The following GINS2 variants were observed in gnomAD, a reference collection of about 807,000 sequenced individuals.
GINS2 encodes the protein GINS complex subunit 2, also known as DNA replication complex GINS protein PSF2.
Under a neutral mutation model 21.2 loss-of-function variants are expected in GINS2, and 23 were observed. The ratio of observed to expected loss-of-function variants is 1.08; its 90% confidence interval spans 0.78 to 1.53. The LOEUF (loss-of-function observed/expected upper bound fraction) is 1.53, where lower values mean the gene tolerates loss of function less well. Among genes scored for constraint, GINS2 ranks in the 40% most tolerant of loss-of-function variants. The pLI, the probability that GINS2 is intolerant of heterozygous loss-of-function variation, is 0.00. For synonymous variants in GINS2, 118 were observed against 85.6 expected, an observed-to-expected ratio of 1.38 and a Z score of -2.09; for missense variants, 323 against 233.9, an observed-to-expected ratio of 1.38 and a Z score of -2.49.
Position 85,685,678 on chromosome 16 carries a change from A to AAAAAAAAAAAAAAAAAAAAAAC in GINS2, c.205+1781_205+1782insGTTTTTTTTTTTTTTTTTTTTT, listed in dbSNP as rs1567792794. Among the ~76,000 whole-genome samples, 87 of 143,964 alleles carry AAAAAAAAAAAAAAAAAAAAAAC rather than the reference A, an allele frequency of 6.0e-4. 1 individual carries two copies. Among genetic ancestry groups the AAAAAAAAAAAAAAAAAAAAAAC allele is most frequent in the African/African-American group, 2.2e-3 (78 of 36,178 alleles). 94.4% of individuals were successfully genotyped at this position (143,964 alleles called of 152,430 possible). On this transcript the variant is annotated intron_variant, in intron 2 of 4. Transcript: ENST00000253462. ...AGAGCAAGACCCTTTCTCAAAAAAA[A>AAAAAAAAAAAAAAAAAAAAAAC]AAAAAAAAAAAAACCGTCTCAAAGC...
chr16:85,685,117 A>C (rs993090077), intron 2 of GINS2, among the ~76,000 whole-genome samples: 9 of 152,202 alleles, frequency 5.9e-5, no homozygotes, highest in African/African-American at 1.9e-4. Context: ...TCTGTGGTGC[A>C]GAAGTCAGGA....
At position 85,681,547 on chromosome 16, in the gene GINS2, T is replaced by G. The variant is rs375513883; in HGVS notation, c.305+35A>C. 1.9e-5 allele frequency: 24 copies of G among 1,231,494 alleles called. No individual in the cohort carries two copies. The African/African-American group carries it at 2.4e-4, about 12-fold the overall frequency. The allele number at this position is 1,231,494 out of a possible 1,614,324, so 76.3% of individuals were successfully genotyped here. A position where few individuals can be genotyped will look rare whatever the true frequency, so the allele number is the denominator to read the frequency against. On this transcript the variant is annotated intron_variant, in intron 3 of 4. Transcript: ENST00000253462. ...GGGGAAGGGCATGGCGAGTCCAGTC[T>G]TGGGTGTGGCCTCTAAGAGGTGAGA... is the stretch of plus-strand genomic sequence containing the variant.
rs145341383 is a variant in GINS2 at position 85,684,949 on chromosome 16, A to T, written c.205+2511T>A. Among the ~76,000 whole-genome samples, 12 of 151,972 alleles carry T rather than the reference A, an allele frequency of 7.9e-5. No individual in the cohort carries two copies. The East Asian group carries it at 2.3e-3, about 29-fold the overall frequency. Reference sequence around the variant, plus strand: ...GATTACAGGCGCCCACCAAACACCCAGCTAATTTTTGTATTTTTTAGTAGA... The same window carrying T: ...GATTACAGGCGCCCACCAAACACCCTGCTAATTTTTGTATTTTTTAGTAGA... On this transcript the variant is annotated intron_variant, in intron 2 of 4. Coordinates refer to ENST00000253462, the MANE Select transcript of GINS2 (RefSeq NM_016095.3).
rs1247881101 is a variant in GINS2 at position 85,688,886 on chromosome 16, C to T, written c.13G>A (p.Glu5Lys). MDAA[E>K]VEFLAEKELV... ...TCCTTCTCGGCGAGGAATTCGACCT[C>T]GGCAGCGTCCATGGCGGCGCGAGCT... The change falls in exon 1 of 5, where the codon GAG becomes AAG. Residue 5 changes from glutamate to lysine, a missense_variant. By Grantham distance (56) the Glu-to-Lys change is moderately conservative (BLOSUM62 1). Coordinates refer to ENST00000253462, the MANE Select transcript of GINS2 (RefSeq NM_016095.3). The T allele has an allele frequency of 1.3e-6, 2 of 1,540,226 alleles. No homozygotes were observed. The highest frequency in any genetic ancestry group is 2.4e-5 in the South Asian group (2 of 82,822).
Position 85,687,469 on chromosome 16 carries a change from T to C in GINS2, c.196A>G (p.Met66Val), listed in dbSNP as rs779871214. 7 of 1,542,862 alleles carry C rather than the reference T, an allele frequency of 4.5e-6. No homozygotes were observed. The African/African-American group carries it at 7.0e-5, about 15-fold the overall frequency. The change falls in exon 2 of 5, where the codon ATG becomes GTG. Residue 66 changes from methionine (M) to valine (V), a missense_variant. Met to Val is a conservative substitution (Grantham distance 21, BLOSUM62 1). Transcript: ENST00000253462. ...QKCRLLPPEW[M>V]DVEKLEKMRD... is the part of the protein sequence containing the mutation. ...TCCACCACATCCTTACCTACATCCA[T>C]CCACTCTGGAGGGAGCAGGCGACAT...
chr16:85,681,638 A>G lies in GINS2; in HGVS notation c.249T>C (p.Thr83=), dbSNP rs772068012. The G allele has an allele frequency of 6.2e-6, 10 of 1,612,888 alleles. No individual in the cohort carries two copies. Among genetic ancestry groups the G allele is most frequent in the Non-Finnish European group, 6.8e-6 (8 of 1,179,092 alleles). ...KMRDHERKEE[T]FTPMPSPYYM... Reference sequence around the variant, plus strand: ...AGTAAGGGCTGGGCATTGGGGTAAAAGTTTCTTCCTTTCGTTCATGATCCC... The same window carrying G: ...AGTAAGGGCTGGGCATTGGGGTAAAGGTTTCTTCCTTTCGTTCATGATCCC... The change falls in exon 3 of 5, where the codon ACT becomes ACC. Residue 83 remains threonine (T), a synonymous_variant. Transcript: ENST00000253462.
At position 85,678,292 on chromosome 16, in the gene GINS2, G is replaced by A. The variant is rs1294900375; in HGVS notation, c.478C>T (p.Leu160Phe). 1 of 1,613,212 alleles carries A rather than the reference G, an allele frequency of 6.2e-7. No homozygotes were observed. Among genetic ancestry groups the A allele is most frequent in the Admixed American group, 1.7e-5 (1 of 60,026 alleles). The change falls in exon 5 of 5, where the codon CTC becomes TTC. Residue 160 changes from leucine to phenylalanine, a missense_variant. Physicochemically the swap from Leu to Phe is conservative, Grantham distance 22. Coordinates refer to ENST00000253462, the MANE Select transcript of GINS2 (RefSeq NM_016095.3). ...LMEINTSGTF[L>F]TQALNHMYKL... ...TACATGTGGTTGAGCGCTTGTGTGA[G>A]GAAAGTCCCGCTGGTGTTGATCTCC...
At chr16:85,682,532 G>T (rs1376467834) in intron 2 of GINS2, among the ~76,000 whole-genome samples, 1 of 145,320 alleles carries the variant, frequency 6.9e-6, no homozygotes, top group Non-Finnish European at 1.5e-5. Context: ...AATATCCTAG[G>T]GGGGTTAAGC....
rs773719623 is a variant in GINS2, at chr16:85,687,482, G to A, written c.183C>T (p.Leu61=). ...TACCTACATCCATCCACTCTGGAGGGAGCAGGCGACATTTCTGTCTTTGTT... is the reference window on the plus strand; with the variant it reads ...TACCTACATCCATCCACTCTGGAGGAAGCAGGCGACATTTCTGTCTTTGTT... The part of the protein sequence containing the change: ...NLKQRQKCRL[L]PPEWMDVEKL... Residue 61 remains leucine (L), a synonymous_variant, in exon 2 of 5, where the codon CTC becomes CTT. Transcript: ENST00000253462. The A allele has an allele frequency of 2.5e-6, 4 of 1,583,574 alleles. No homozygotes were observed. The highest frequency in any genetic ancestry group is 1.9e-5 in the Admixed American group (1 of 53,948).
intron 3 of GINS2, among the ~76,000 whole-genome samples, chr16:85,680,900 G>A (rs1045622212): frequency 3.3e-5 from 5 of 152,200 alleles, no homozygotes; most frequent in African/African-American, 1.2e-4. Flanking sequence ...GCTGTACACT[G>A]CTTGAACACC....
chr16:85,677,193 T>G lies in GINS2; in HGVS notation c.*1019A>C, dbSNP rs1316301240. 1 of 152,204 alleles carries G rather than the reference T, an allele frequency of 6.6e-6. No homozygotes were observed. Among genetic ancestry groups the G allele is most frequent in the Non-Finnish European group, 1.5e-5 (1 of 68,048 alleles). The allele number at this position is 152,204 out of a possible 1,614,324, so 9.4% of individuals were successfully genotyped here. ...GCCCGGCCAAAAATTAAAGTTTTTT[T>G]TAAAGCTGATTACAGAACCTTCTAT... On this transcript the variant is annotated 3_prime_UTR_variant, in exon 5 of 5. Coordinates refer to ENST00000253462, the MANE Select transcript of GINS2 (RefSeq NM_016095.3).
At chr16:85,687,296 G>C (rs746905102) in intron 2 of GINS2, among the ~76,000 whole-genome samples, 164 bp downstream of exon 2, 2 of 152,262 alleles carry the variant, frequency 1.3e-5, no homozygotes, top group Admixed American at 6.5e-5. Context: ...ACTCTGCTGA[G>C]AGGTGAATCT....
Position 85,678,275 on chromosome 16 carries a change from G to C in GINS2, c.495C>G (p.Asn165Lys), listed in dbSNP as rs1196895002. 1.9e-6 allele frequency: 3 copies of C among 1,612,338 alleles called. No individual in the cohort carries two copies. The highest frequency in any genetic ancestry group is 2.5e-6 in the Non-Finnish European group (3 of 1,178,494). Reference sequence around the variant, plus strand: ...GGTTCGTGCGGAGTTTGTACATGTGGTTGAGCGCTTGTGTGAGGAAAGTCC... The same window carrying C: ...GGTTCGTGCGGAGTTTGTACATGTGCTTGAGCGCTTGTGTGAGGAAAGTCC... ...TSGTFLTQALNHMYKLRTNLQ... is the reference protein window; with the variant it reads ...TSGTFLTQALKHMYKLRTNLQ... The change falls in exon 5 of 5, where the codon AAC becomes AAG. Residue 165 changes from asparagine (N) to lysine (K), a missense_variant. Coordinates refer to ENST00000253462, the MANE Select transcript of GINS2 (RefSeq NM_016095.3).
At chr16:85,681,268 CTG>C (rs1416256514) in intron 3 of GINS2, among the ~76,000 whole-genome samples, 2 of 152,224 alleles carry the variant, frequency 1.3e-5, no homozygotes, top group Admixed American at 6.5e-5. Context: ...GTGGCTCACA[CTG>C]GGGTCCAATG....
chr16:85,681,008 A>G (rs1409189034), intron 3 of GINS2, among the ~76,000 whole-genome samples: 1 of 152,238 alleles, frequency 6.6e-6, no homozygotes, highest in Non-Finnish European at 1.5e-5. Flanking sequence ...GTGAAGAATG[A>G]ATGGAAAGCT....
intron 2 of GINS2, among the ~76,000 whole-genome samples, chr16:85,682,417 A>T (rs190226877): frequency 6.6e-6 from 1 of 151,960 alleles, no homozygotes; most frequent in East Asian, 1.9e-4. Context: ...AACTAGAGCC[A>T]CCCCAGCCTG....
At chr16:85,679,131 C>A (rs79995374) in intron 3 of GINS2, among the ~76,000 whole-genome samples, 1 of 152,212 alleles carries the variant, frequency 6.6e-6, no homozygotes, top group African/African-American at 2.4e-5. Context: ...AACGCCAACT[C>A]CATGCCAGGT....
rs2053732045 is a variant in GINS2 at position 85,681,509 on chromosome 16, A to G, written c.305+73T>C. ...GCAATAAGCAGGGAAGCGGAGAGGAAGGACGAGGGTTAGGGGAAGGGCATG... is the reference window on the plus strand; with the variant it reads ...GCAATAAGCAGGGAAGCGGAGAGGAGGGACGAGGGTTAGGGGAAGGGCATG... On this transcript the variant is annotated intron_variant, in intron 3 of 4. Transcript: ENST00000253462. 3 of 866,098 alleles carry G rather than the reference A, an allele frequency of 3.5e-6. No individual in the cohort carries two copies. The Admixed American group carries it at 6.5e-5, about 19-fold the overall frequency. 53.7% of individuals were successfully genotyped at this position (866,098 alleles called of 1,614,324 possible). A position where few individuals can be genotyped will look rare whatever the true frequency, so the allele number is the denominator to read the frequency against.
chr16:85,678,773 G>T, intron 3 of GINS2, 107 bp from the exon 4 acceptor site: 1 of 1,090,534 alleles, frequency 9.2e-7, no homozygotes. Context: ...TCCAGACTCA[G>T]AAAGTCTGTT....
Sources: gnomAD v4.1 joint callset for allele counts (sites outside exome capture counted in the v4.1 genomes callset) on GRCh38, gnomAD v4.1.1 for gene constraint, MANE v1.5 for transcripts, NCBI Gene and HGNC (gene_info 2026-07-23, HGNC 2026-07-21) for gene names.